The following C8B variants were observed in gnomAD, a reference collection of about 807,000 sequenced individuals.
C8B encodes the protein complement C8 beta chain, also known as complement component C8 beta chain.
In C8B, 67 loss-of-function variants were observed where a neutral mutation model predicts 64.6. The ratio of observed to expected loss-of-function variants is 1.04; its 90% CI spans 0.85 to 1.27. The LOEUF (loss-of-function observed/expected upper bound fraction) is 1.27, where lower values mean the gene tolerates loss of function less well. C8B is among the 50% of genes most tolerant of loss of function. The probability of loss-of-function intolerance (pLI) is 0.00; values close to 1 mark genes in which losing one functional copy is unlikely to be tolerated. For synonymous variants in C8B, 284 were observed against 257.7 expected, an observed-to-expected ratio of 1.10 and a Z score of -0.98; for missense variants, 790 against 725.2, an observed-to-expected ratio of 1.09 and a Z score of -1.03.
At chr1:56,963,833 A>G in intron 1 of C8B, 2 of 984,150 alleles carry the variant, frequency 2.0e-6, no homozygotes, top group Non-Finnish European at 2.4e-6. Context: ...GTGGCAATAC[A>G]TAATAGGTCT....
intron 11 of C8B, among the ~76,000 whole-genome samples, chr1:56,929,993 C>G (rs1044747077): frequency 1.4e-4 from 22 of 152,270 alleles, no homozygotes; most frequent in African/African-American, 5.1e-4. Context: ...ATTGGCCTTC[C>G]TTTCCAAAGC....
At chr1:56,948,906 C>A (rs761224082) in intron 6 of C8B, among the ~76,000 whole-genome samples, 2 of 152,018 alleles carry the variant, frequency 1.3e-5, no homozygotes, top group Non-Finnish European at 2.9e-5. Context: ...AAAGCTACAT[C>A]TTAAGCTTAT....
At chr1:56,958,495 GA>G (rs1309384131) in intron 2 of C8B, among the ~76,000 whole-genome samples, 8 of 148,542 alleles carry the variant, frequency 5.4e-5, no homozygotes, top group Admixed American at 6.7e-5. Context: ...AGAACACTGT[GA>G]AAAAAAAAAG....
At chr1:56,942,960 G>A (rs1339786518) in intron 8 of C8B, among the ~76,000 whole-genome samples, 1 of 151,686 alleles carries the variant, frequency 6.6e-6, no homozygotes, top group Non-Finnish European at 1.5e-5. Flanking sequence ...GCCGAGCATG[G>A]TGGCATGCAC....
At chr1:56,956,481 C>T (rs193264705) in intron 3 of C8B, among the ~76,000 whole-genome samples, 94 of 152,288 alleles carry the variant, frequency 6.2e-4, no homozygotes, top group Admixed American at 1.4e-3. Context: ...AATCTGAATT[C>T]TCAAATTTCC....
chr1:56,964,647 C>T (rs907525485), intron 1 of C8B, among the ~76,000 whole-genome samples: 3 of 151,936 alleles, frequency 2.0e-5, no homozygotes, highest in Admixed American at 6.5e-5. Flanking sequence ...TGATCATTCC[C>T]TCCTTGTTTC....
Position 56,952,140 on chromosome 1 carries a change from CA to C in C8B, c.573del (p.Asp192IlefsTer15). On this transcript the variant is annotated frameshift_variant, in exon 5 of 12. Transcript: ENST00000371237. LOFTEE classifies it high-confidence loss of function. ...CATCCACCTGCATAATACCTGTGATCAAGAACTGGGCCCTCAAAACTGTTTG... is the reference window on the plus strand; with the variant it reads ...CATCCACCTGCATAATACCTGTGATCAGAACTGGGCCCTCAAAACTGTTTG... Reference protein sequence around the residue: ...LFTNSFEGPVLDHRYYAGGCS... With the variant: ...LFTNSFEGPVXDHRYYAGGCS... The C allele has an allele frequency of 6.2e-7, 1 of 1,614,172 alleles. No homozygotes were observed. The highest frequency in any genetic ancestry group is 1.7e-5 in the Admixed American group (1 of 60,020).
chr1:56,959,540 G>C (rs1557743383), intron 2 of C8B: 8 of 1,501,474 alleles, frequency 5.3e-6, no homozygotes, highest in Non-Finnish European at 7.2e-6. Flanking sequence ...TGAGAAAGCA[G>C]CATGAAGAAA....
chr1:56,931,658 G>T (rs539263566), intron 11 of C8B, 152 bp downstream of exon 11: 4 of 654,796 alleles, frequency 6.1e-6, no homozygotes, highest in Non-Finnish European at 1.1e-5. Flanking sequence ...GTTATTAAAT[G>T]ATGGAGATGG....
chr1:56,929,712 C>T (rs1644668993), intron 11 of C8B, among the ~76,000 whole-genome samples, 154 bp from the exon 12 acceptor site: 1 of 152,182 alleles, frequency 6.6e-6, no homozygotes, highest in African/African-American at 2.4e-5. Flanking sequence ...TTGTCATGCT[C>T]TTGCCTACCA....
rs1023160619 is a variant in C8B, at chr1:56,956,846, T to A, written c.314A>T (p.Lys105Met). 2 of 1,613,948 alleles carry A rather than the reference T, an allele frequency of 1.2e-6. No individual in the cohort carries two copies. The highest frequency in any genetic ancestry group is 1.3e-5 in the African/African-American group (1 of 74,900). ...FHGEPCNFSD[K>M]EVEDCVTNRP... ...GTTGGTAACACAGTCTTCGACTTCC[T>A]TGTCAGAGAAGTTGCACGGTTCCCC... The change falls in exon 3 of 12, where the codon AAG becomes ATG. Residue 105 changes from lysine (K) to methionine (M), a missense_variant. Transcript: ENST00000371237.
chr1:56,965,989 C>G lies in C8B; in HGVS notation c.-41G>C, dbSNP rs901076112. ...GGAGATGCCACAGAGGCTGCTAGAC[C>G]CATAACAAGCCTGTGCTGTGAGTGC... On this transcript the variant is annotated 5_prime_UTR_variant, in exon 1 of 12. Coordinates refer to ENST00000371237, the MANE Select transcript of C8B (RefSeq NM_000066.4). The G allele has an allele frequency of 1.2e-5, 20 of 1,612,610 alleles. No individual in the cohort carries two copies. The highest frequency in any genetic ancestry group is 1.6e-5 in the Non-Finnish European group (19 of 1,179,928).
In C8B at chr1:56,965,935, C is replaced by T. The variant is rs758341932; in HGVS notation, c.14G>A (p.Arg5Lys). The T allele has an allele frequency of 2.5e-6, 4 of 1,613,932 alleles. No individual in the cohort carries two copies. In the South Asian group the frequency reaches 4.4e-5, roughly 18 times the overall value. ...CACCGGCGCCCTCCAAGCCCATGTC[C>T]TGGAATTCTTCATTTTCCCAATGTG... MKNS[R>K]TWAWRAPVEL... is the part of the protein sequence containing the mutation. Residue 5 changes from arginine to lysine, a missense_variant, in exon 1 of 12, where the codon AGG becomes AAG. By Grantham distance (26) the Arg-to-Lys change is conservative. Coordinates refer to ENST00000371237, the MANE Select transcript of C8B (RefSeq NM_000066.4).
chr1:56,939,989 T>A (rs1644826772), intron 9 of C8B, among the ~76,000 whole-genome samples: 1 of 148,844 alleles, frequency 6.7e-6, no homozygotes, highest in African/African-American at 2.5e-5. Flanking sequence ...TTAGTTGTTG[T>A]GATGTCTTGT....
chr1:56,954,074 G>A (rs1367732428), intron 4 of C8B, among the ~76,000 whole-genome samples: 1 of 152,130 alleles, frequency 6.6e-6, no homozygotes, highest in African/African-American at 2.4e-5. Flanking sequence ...TGAGGGGAAG[G>A]TCTCCCTCTT....
At chr1:56,941,163 G>C (rs1016945674) in intron 8 of C8B, 151 bp from the exon 9 acceptor site, 4 of 887,992 alleles carry the variant, frequency 4.5e-6, no homozygotes, top group Non-Finnish European at 7.2e-6. Flanking sequence ...CCACAGGGCA[G>C]TCATGGTGCA....
Position 56,949,598 on chromosome 1 carries a change from C to T in C8B, c.821G>A (p.Arg274Gln), listed in dbSNP as rs780551849. 10 of 1,613,854 alleles carry T rather than the reference C, an allele frequency of 6.2e-6. No homozygotes were observed. The African/African-American group carries it at 8.0e-5, about 13-fold the overall frequency. Residue 274 changes from arginine to glutamine, a missense_variant, in exon 6 of 12, where the codon CGA (arginine) becomes CAA (glutamine). By Grantham distance (43) the Arg-to-Gln change is conservative. Coordinates refer to ENST00000371237, the MANE Select transcript of C8B (RefSeq NM_000066.4). ...GGTTCTCCTAATATAGTGTTTGCCT[C>T]GATCACTTTGACTACTGATGCCAAG... Reference protein sequence around the residue: ...FELGISSQSDRGKHYIRRTKR... With the variant: ...FELGISSQSDQGKHYIRRTKR...
rs150198497 is a variant in C8B, at chr1:56,944,141, C to G, written c.1106-317G>C. Among the ~76,000 whole-genome samples the G allele has an allele frequency of 3.3e-5, 5 of 152,288 alleles. No homozygotes were observed. The East Asian group carries it at 7.7e-4, about 23-fold the overall frequency. ...GCTTATTGATTCTCTAGGGATAGAT[C>G]CAGTGAGTACAGTGACTGTTACAAT... On this transcript the variant is annotated intron_variant, in intron 7 of 11. Transcript: ENST00000371237.
At chr1:56,949,219 G>A (rs994267028) in intron 6 of C8B, among the ~76,000 whole-genome samples, 13 of 152,168 alleles carry the variant, frequency 8.5e-5, no homozygotes, top group African/African-American at 2.7e-4. Flanking sequence ...ATTATGTCAT[G>A]AGGGTTCTGC....
Sources: allele counts gnomAD v4.1 joint callset (sites outside exome capture counted in the v4.1 genomes callset), GRCh38; gene constraint gnomAD v4.1.1; transcripts MANE v1.5; gene names NCBI Gene and HGNC (gene_info 2026-07-23, HGNC 2026-07-21).